NELL2: variants seen among roughly 807,000 people sequenced by gnomAD.
NELL2 encodes the protein protein kinase C-binding protein NELL2.
NELL2 carries 41 observed loss-of-function variants against 109.6 expected under a neutral mutation model. The ratio of observed to expected loss-of-function variants is 0.37; its 90% CI spans 0.29 to 0.49. NELL2 has a LOEUF of 0.49. Among genes scored for constraint, NELL2 ranks in the 20% least tolerant of loss-of-function variants. The pLI is 0.98. For missense variants in NELL2, 900 were observed against 1,008.3 expected, an observed-to-expected ratio of 0.89 and a Z score of 1.45; for synonymous variants, 355 against 344.7, an observed-to-expected ratio of 1.03 and a Z score of -0.33.
chr12:44,758,673 A>C (rs960652233), intron 9 of NELL2, among the ~76,000 whole-genome samples: 6 of 152,178 alleles, frequency 3.9e-5, no homozygotes, highest in Non-Finnish European at 7.4e-5. Context: ...GCCCTGTATG[A>C]AACAGATTAA....
At chr12:44,664,369 G>A (rs1947851104) in intron 13 of NELL2, among the ~76,000 whole-genome samples, 1 of 151,786 alleles carries the variant, frequency 6.6e-6, no homozygotes, top group Non-Finnish European at 1.5e-5. Context: ...TCCATAAATC[G>A]GGAAGTCACT....
intron 9 of NELL2, among the ~76,000 whole-genome samples, chr12:44,745,365 G>A (rs1436394321): frequency 1.3e-5 from 2 of 152,082 alleles, no homozygotes; most frequent in African/African-American, 2.4e-5. Context: ...GCAAAAACTG[G>A]AAGCATTCCC....
chr12:44,592,779 T>C (rs1341390232), intron 15 of NELL2, among the ~76,000 whole-genome samples: 5 of 152,222 alleles, frequency 3.3e-5, no homozygotes, highest in Admixed American at 3.3e-4. Flanking sequence ...GCTAGGGCTC[T>C]TTCCAAGGGC....
intron 12 of NELL2, among the ~76,000 whole-genome samples, chr12:44,665,978 C>A (rs1372380305): frequency 6.6e-6 from 1 of 152,132 alleles, no homozygotes; most frequent in Non-Finnish European, 1.5e-5. Context: ...TTGTTTGATT[C>A]ACCAGCTATT....
chr12:44,610,567 A>T (rs1421793446), intron 14 of NELL2, among the ~76,000 whole-genome samples: 1 of 151,992 alleles, frequency 6.6e-6, no homozygotes, highest in Non-Finnish European at 1.5e-5. Context: ...GGATGTGGTG[A>T]TGGGTGTGGG....
intron 13 of NELL2, among the ~76,000 whole-genome samples, chr12:44,657,106 G>A (rs1786698674): frequency 6.6e-6 from 1 of 152,098 alleles, no homozygotes. Flanking sequence ...ATTCTTTTCT[G>A]TAACCTTTTG....
At chr12:44,870,155 T>C (rs1456317137) in intron 2 of NELL2, among the ~76,000 whole-genome samples, 3 of 152,210 alleles carry the variant, frequency 2.0e-5, no homozygotes, top group African/African-American at 4.8e-5. Flanking sequence ...GTTCCTTCAA[T>C]GTCTATACCT....
intron 9 of NELL2, among the ~76,000 whole-genome samples, chr12:44,767,003 T>G (rs1941359891): frequency 6.6e-6 from 1 of 152,200 alleles, no homozygotes; most frequent in Admixed American, 6.5e-5. Context: ...AGCTGAGTAC[T>G]GTCTATTATT....
chr12:44,815,816 A>G (rs555296132), intron 3 of NELL2, 170 bp downstream of exon 3: 1 of 589,396 alleles, frequency 1.7e-6, no homozygotes, highest in Non-Finnish European at 2.7e-6. Context: ...ACAGGGTTTC[A>G]CCATATTGGT....
At chr12:44,917,771 T>C (rs1421530265), upstream of NELL2, among the ~76,000 whole-genome samples, 5 of 152,188 alleles carry the variant, frequency 3.3e-5, no homozygotes, top group Non-Finnish European at 5.9e-5. Context: ...AGAGAGACTG[T>C]CCTGTGGGCT....
At position 44,876,152 on chromosome 12, in the gene NELL2, C is replaced by T. The variant is rs574229002; in HGVS notation, c.-283G>A. 79 of 1,266,430 alleles carry T rather than the reference C, an allele frequency of 6.2e-5. No individual in the cohort carries two copies. In the East Asian group the frequency reaches 2.4e-3, roughly 38 times the overall value. The allele number at this position is 1,266,430 out of a possible 1,614,324, so 78.4% of individuals were successfully genotyped here. ...CCCGGAGGGAGGGGTCGGACTCGCCCCGGCGCGGCTCCGTCGGGGAATTAG... is the reference window on the plus strand; with the variant it reads ...CCCGGAGGGAGGGGTCGGACTCGCCTCGGCGCGGCTCCGTCGGGGAATTAG... On this transcript the variant is annotated 5_prime_UTR_variant, in exon 1 of 20. Transcript: ENST00000429094.
At chr12:44,622,506 TAA>T (rs1421519764) in intron 13 of NELL2, among the ~76,000 whole-genome samples, 2 of 152,060 alleles carry the variant, frequency 1.3e-5, no homozygotes, top group Admixed American at 1.3e-4. Flanking sequence ...TACAAATAAA[TAA>T]GATTAAAGAG....
At chr12:44,754,979 A>C (rs1940819756) in intron 9 of NELL2, among the ~76,000 whole-genome samples, 3 of 152,264 alleles carry the variant, frequency 2.0e-5, no homozygotes, top group South Asian at 4.1e-4. Context: ...CAACCCAATG[A>C]ACTAGATCCA....
chr12:44,596,993 T>C (rs753197358), intron 15 of NELL2, among the ~76,000 whole-genome samples: 13 of 152,346 alleles, frequency 8.5e-5, no homozygotes, highest in Non-Finnish European at 1.6e-4. Context: ...ATAATCCCAA[T>C]AAGTCAATGC....
chr12:44,771,575 A>T (rs937910479), intron 9 of NELL2, among the ~76,000 whole-genome samples: 43 of 152,302 alleles, frequency 2.8e-4, no homozygotes, highest in African/African-American at 9.9e-4. Context: ...TATGGCTTTA[A>T]CGATTTGGCC....
intron 2 of NELL2, among the ~76,000 whole-genome samples, chr12:44,830,621 T>C (rs1943856420): frequency 6.6e-6 from 1 of 152,116 alleles, no homozygotes; most frequent in South Asian, 2.1e-4. Flanking sequence ...AGGCCCCAAA[T>C]CTGCCATCTC....
chr12:44,615,089 G>A (rs1035384810), intron 13 of NELL2, among the ~76,000 whole-genome samples: 2 of 152,050 alleles, frequency 1.3e-5, no homozygotes, highest in African/African-American at 4.8e-5. Flanking sequence ...CAAAGCTTTA[G>A]TAAATGGATT....
At chr12:44,900,320 C>T (rs1403947460) in intron 1 of NELL2, among the ~76,000 whole-genome samples, 1 of 152,138 alleles carries the variant, frequency 6.6e-6, no homozygotes, top group East Asian at 1.9e-4. Flanking sequence ...TTCTTCTCAG[C>T]ACCACATCAC....
At chr12:44,677,188 T>C (rs1160258088) in intron 12 of NELL2, among the ~76,000 whole-genome samples, 4 of 152,154 alleles carry the variant, frequency 2.6e-5, no homozygotes, top group Non-Finnish European at 2.9e-5. Context: ...TTTGGTATGC[T>C]TGAAGGATAG....
Sources: gnomAD v4.1 joint callset for allele counts (sites outside exome capture counted in the v4.1 genomes callset) on GRCh38, gnomAD v4.1.1 for gene constraint, MANE v1.5 for transcripts, NCBI Gene and HGNC (gene_info 2026-07-23, HGNC 2026-07-21) for gene names.